Variants in ARHGAP15 observed in about 807,000 individuals in gnomAD.
The protein encoded by ARHGAP15 is Rho GTPase activating protein 15.
ARHGAP15 carries 51 observed loss-of-function variants against 63.7 expected under a neutral mutation model. The ratio of observed to expected loss-of-function variants is 0.80; its 90% CI spans 0.64 to 1.01. The LOEUF (loss-of-function observed/expected upper bound fraction) is 1.01. Among genes scored for constraint, ARHGAP15 ranks in the 50% least tolerant of loss-of-function variants. The pLI is 0.00. For synonymous variants in ARHGAP15, 191 were observed against 193.8 expected, an observed-to-expected ratio of 0.99 and a Z score of 0.12; for missense variants, 560 against 564.6, an observed-to-expected ratio of 0.99 and a Z score of 0.08.
At chr2:143,699,790 G>C (rs752616578) in intron 12 of ARHGAP15, among the ~76,000 whole-genome samples, 40 of 152,194 alleles carry the variant, frequency 2.6e-4, no homozygotes, top group Non-Finnish European at 4.9e-4. Context: ...AGAGGTGAGA[G>C]GGGTGCAGGG....
intron 6 of ARHGAP15, among the ~76,000 whole-genome samples, chr2:143,386,310 C>T (rs1687285105): frequency 6.6e-6 from 1 of 152,058 alleles, no homozygotes; most frequent in African/African-American, 2.4e-5. Flanking sequence ...TGCAATTTTC[C>T]ACTATGAGTT....
At chr2:143,544,129 A>T (rs907183663) in intron 10 of ARHGAP15, among the ~76,000 whole-genome samples, 1 of 152,310 alleles carries the variant, frequency 6.6e-6, no homozygotes, top group East Asian at 1.9e-4. Flanking sequence ...TTTCAGCTCT[A>T]TTCCAGATAC....
chr2:143,557,928 T>A (rs1695875156), intron 11 of ARHGAP15, among the ~76,000 whole-genome samples: 1 of 152,160 alleles, frequency 6.6e-6, no homozygotes, highest in Admixed American at 6.6e-5. Flanking sequence ...TCTCTCCTTG[T>A]ATCCTTGGCA....
intron 10 of ARHGAP15, among the ~76,000 whole-genome samples, chr2:143,545,891 G>A (rs796187043): frequency 5.3e-5 from 8 of 152,186 alleles, no homozygotes; most frequent in African/African-American, 1.9e-4. Context: ...TTCACAAAAA[G>A]GACAATGAGG....
At chr2:143,474,892 T>C (rs1478299017) in intron 8 of ARHGAP15, among the ~76,000 whole-genome samples, 1 of 152,182 alleles carries the variant, frequency 6.6e-6, no homozygotes, top group Non-Finnish European at 1.5e-5. Flanking sequence ...GTAAAATATT[T>C]GGGATAACAC....
rs1428991399 is a variant in ARHGAP15 at position 143,503,494 on chromosome 2, T to G, written c.827-15772T>G. Among the ~76,000 whole-genome samples, 3 of 152,202 alleles carry G rather than the reference T, an allele frequency of 2.0e-5. No homozygotes were observed. In the East Asian group the frequency reaches 5.8e-4, roughly 29 times the overall value. ...ATGATGAAATGTTCTTTCTTCACAC[T>G]CTCCAGCTAATACTTCTCAGGACTG... On this transcript the variant is annotated intron_variant, in intron 9 of 13. Coordinates refer to ENST00000295095, the MANE Select transcript of ARHGAP15 (RefSeq NM_018460.4).
At chr2:143,638,100 T>G (rs530453923) in intron 12 of ARHGAP15, among the ~76,000 whole-genome samples, 2,978 of 143,774 alleles carry the variant, frequency 0.021, 111 homozygotes, top group African/African-American at 0.072. Flanking sequence ...TGGCGATTCC[T>G]CAGGGATCTA....
intron 6 of ARHGAP15, among the ~76,000 whole-genome samples, chr2:143,313,977 T>G (rs1019955344): frequency 6.6e-6 from 1 of 151,694 alleles, no homozygotes; most frequent in East Asian, 1.9e-4. Flanking sequence ...TCTTGTTTTG[T>G]TTTTTGTTTT....
intron 6 of ARHGAP15, among the ~76,000 whole-genome samples, chr2:143,257,591 C>T (rs1680489129): frequency 6.6e-6 from 1 of 152,128 alleles, no homozygotes; most frequent in African/African-American, 2.4e-5. Flanking sequence ...CATTTACCGA[C>T]ATCATATTGT....
intron 9 of ARHGAP15, among the ~76,000 whole-genome samples, chr2:143,513,969 T>C (rs1439503374): frequency 6.6e-6 from 1 of 152,202 alleles, no homozygotes; most frequent in Non-Finnish European, 1.5e-5. Flanking sequence ...AAGATGATGA[T>C]AGTATACACG....
chr2:143,465,133 T>A (rs1218274419), intron 8 of ARHGAP15, among the ~76,000 whole-genome samples: 3 of 152,132 alleles, frequency 2.0e-5, no homozygotes, highest in Admixed American at 6.6e-5. Flanking sequence ...CTCCTTAACC[T>A]CCTCCTGTTT....
In ARHGAP15 at chr2:143,436,969, C is replaced by T; in HGVS notation, c.630C>T (p.Ser210=). ...TGGAATTATTCAAAATCCAAAGATC[C>T]TCTAGCACTGAATTGCTAAGTCACT... is the stretch of plus-strand genomic sequence containing the variant. ...RNLELFKIQR[S]SSTELLSHYD... is the part of the protein sequence containing the mutation. The change falls in exon 8 of 14, where the codon TCC becomes TCT. Residue 210 remains serine, a synonymous_variant. Transcript: ENST00000295095. The T allele has an allele frequency of 6.2e-7, 1 of 1,611,432 alleles. No homozygotes were observed. Among genetic ancestry groups the T allele is most frequent in the Non-Finnish European group, 8.5e-7 (1 of 1,179,092 alleles).
At chr2:143,572,056 G>C (rs1481848864) in intron 11 of ARHGAP15, 2 of 152,198 alleles carry the variant, frequency 1.3e-5, no homozygotes, top group African/African-American at 2.4e-5. Flanking sequence ...ACTGGTTTTA[G>C]TCTATTTCAT....
At chr2:143,218,393 C>A (rs1692854031) in intron 4 of ARHGAP15, among the ~76,000 whole-genome samples, 1 of 149,208 alleles carries the variant, frequency 6.7e-6, no homozygotes, top group African/African-American at 2.5e-5. Context: ...TGGGCAAGAG[C>A]CCTAGCTGGT....
At chr2:143,652,800 GAT>G (rs1210875231) in intron 12 of ARHGAP15, among the ~76,000 whole-genome samples, 2 of 151,996 alleles carry the variant, frequency 1.3e-5, no homozygotes, top group Non-Finnish European at 2.9e-5. Flanking sequence ...TACTGGTTCT[GAT>G]AGTTTTTTGG....
intron 2 of ARHGAP15, among the ~76,000 whole-genome samples, chr2:143,160,524 T>C (rs1272144011): frequency 6.6e-6 from 1 of 151,966 alleles, no homozygotes; most frequent in African/African-American, 2.4e-5. Flanking sequence ...TTTAATATTT[T>C]CTATATACAT....
intron 3 of ARHGAP15, among the ~76,000 whole-genome samples, chr2:143,215,180 A>G (rs1692701931): frequency 6.6e-6 from 1 of 152,228 alleles, no homozygotes; most frequent in African/African-American, 2.4e-5. Context: ...TGGCAAACTG[A>G]AAATGGAGAT....
At chr2:143,154,131 A>G (rs186122666) in intron 1 of ARHGAP15, among the ~76,000 whole-genome samples, 31 of 151,856 alleles carry the variant, frequency 2.0e-4, no homozygotes, top group African/African-American at 7.0e-4. Flanking sequence ...TGGAAAAATT[A>G]TGAGTCTCTC....
At chr2:143,322,685 A>AT (rs1684078760) in intron 6 of ARHGAP15, among the ~76,000 whole-genome samples, 1 of 152,226 alleles carries the variant, frequency 6.6e-6, no homozygotes, top group African/African-American at 2.4e-5. Context: ...CGTGGATAGA[A>AT]TGACCTCAGG....
Sources: allele counts gnomAD v4.1 joint callset (sites outside exome capture counted in the v4.1 genomes callset), GRCh38; gene constraint gnomAD v4.1.1; transcripts MANE v1.5; gene names NCBI Gene and HGNC (gene_info 2026-07-23, HGNC 2026-07-21).